BAIAP2L1: variants seen among roughly 807,000 people sequenced by gnomAD.
BAIAP2L1 encodes BAR/IMD domain containing adaptor protein 2 like 1, also known as BAR/IMD domain-containing adapter protein 2-like 1.
Under a neutral mutation model 66.3 loss-of-function variants are expected in BAIAP2L1, and 35 were observed. That is an observed-to-expected ratio of 0.53 (90% confidence interval 0.40 to 0.70). The LOEUF is 0.70. BAIAP2L1 is among the 30% of genes least tolerant of loss of function. The pLI is 0.00. For missense variants in BAIAP2L1, 622 were observed against 656.9 expected (o/e 0.95, Z 0.58); for synonymous variants, 269 against 248.7 (o/e 1.08, Z -0.77).
At chr7:98,352,522 A>T (rs1261887667) in intron 3 of BAIAP2L1, among the ~76,000 whole-genome samples, 1 of 152,080 alleles carries the variant, frequency 6.6e-6, no homozygotes, top group Non-Finnish European at 1.5e-5. Context: ...GGCACCTGTA[A>T]TCCCAGTTGC....
At chr7:98,392,740 C>G (rs551798229) in intron 1 of BAIAP2L1, among the ~76,000 whole-genome samples, 1 of 152,040 alleles carries the variant, frequency 6.6e-6, no homozygotes, top group South Asian at 2.1e-4. Flanking sequence ...TCAGAAAAAG[C>G]GACAGCAATA....
chr7:98,370,974 G>A (rs1012850738), intron 1 of BAIAP2L1, among the ~76,000 whole-genome samples: 1 of 152,298 alleles, frequency 6.6e-6, no homozygotes, highest in South Asian at 2.1e-4. Context: ...TGAATAGAAA[G>A]GGTCCCACAT....
chr7:98,399,114 A>T (rs183332948), intron 1 of BAIAP2L1, among the ~76,000 whole-genome samples: 1 of 152,340 alleles, frequency 6.6e-6, no homozygotes, highest in Non-Finnish European at 1.5e-5. Context: ...CTTCCGGGTC[A>T]TTTAAATAGT....
rs543253710 is a variant in BAIAP2L1, at chr7:98,291,827, C to A, written c.*1694G>T. On this transcript the variant is annotated 3_prime_UTR_variant, in exon 14 of 14. Transcript: ENST00000005260. ...ACCCCCAGGTCCTATTCTTCCACCC[C>A]GTAACAAAACCAGAAACCTCCCCAA... 6.5e-6 allele frequency: 1 copy of A among 152,996 alleles called. No homozygotes were observed. The highest frequency in any genetic ancestry group is 2.1e-4 in the South Asian group (1 of 4,854). The allele number at this position is 152,996 out of a possible 1,614,324, so 9.5% of individuals were successfully genotyped here.
intron 1 of BAIAP2L1, among the ~76,000 whole-genome samples, chr7:98,363,656 G>A (rs1802323219): frequency 3.9e-5 from 6 of 152,104 alleles, no homozygotes; most frequent in Admixed American, 2.6e-4. Flanking sequence ...AACACGTGGC[G>A]ATTGTTATGT....
At chr7:98,356,381 G>A (rs1467092454) in intron 2 of BAIAP2L1, among the ~76,000 whole-genome samples, 1 of 152,174 alleles carries the variant, frequency 6.6e-6, no homozygotes, top group African/African-American at 2.4e-5. Context: ...GTTTCTCCTG[G>A]AGCTTTGGAG....
chr7:98,396,661 G>C (rs750483995), intron 1 of BAIAP2L1, among the ~76,000 whole-genome samples: 7 of 152,104 alleles, frequency 4.6e-5, no homozygotes, highest in Admixed American at 4.6e-4. Context: ...CAGGCGTGGC[G>C]GCTGTAGTCC....
chr7:98,353,369 A>G (rs535757569), intron 3 of BAIAP2L1, among the ~76,000 whole-genome samples: 114 of 138,572 alleles, frequency 8.2e-4, no homozygotes, highest in African/African-American at 2.9e-3. Flanking sequence ...ATATATACAC[A>G]TATATTTATA....
intron 1 of BAIAP2L1, among the ~76,000 whole-genome samples, chr7:98,373,019 TGCGAG>T (rs1802546275): frequency 6.6e-6 from 1 of 151,976 alleles, no homozygotes; most frequent in South Asian, 2.1e-4. Flanking sequence ...GGACTACAGG[TGCGAG>T]CCAGCACGCC....
chr7:98,331,520 G>A (rs1054439272), intron 3 of BAIAP2L1, among the ~76,000 whole-genome samples: 1 of 147,554 alleles, frequency 6.8e-6, no homozygotes, highest in Non-Finnish European at 1.5e-5. Context: ...CCAGGCTGGA[G>A]TGCAATGGCG....
At chr7:98,318,901 G>A (rs973934486) in intron 5 of BAIAP2L1, among the ~76,000 whole-genome samples, 1 of 147,930 alleles carries the variant, frequency 6.8e-6, no homozygotes, top group African/African-American at 2.5e-5. Flanking sequence ...CCCCGAGATT[G>A]CGCCACTGCA....
Position 98,317,132 on chromosome 7 carries a change from C to G in BAIAP2L1, c.486+87G>C, listed in dbSNP as rs982529490. 1.3e-5 allele frequency: 20 copies of G among 1,542,480 alleles called. No homozygotes were observed. In the African/African-American group the frequency reaches 2.7e-4, roughly 21 times the overall value. On this transcript the variant is annotated intron_variant, in intron 6 of 13. Transcript: ENST00000005260. ...CCTCCCAAAGTGCTGGGATTACAGGCGTGAGCCACCGCACCCGGCTAACCT... is the reference window on the plus strand; with the variant it reads ...CCTCCCAAAGTGCTGGGATTACAGGGGTGAGCCACCGCACCCGGCTAACCT...
At chr7:98,310,398 A>G (rs1416517740) in intron 9 of BAIAP2L1, 47 bp downstream of exon 9, 4 of 1,548,426 alleles carry the variant, frequency 2.6e-6, no homozygotes, top group Middle Eastern at 1.7e-4. Flanking sequence ...CTTATCTTAA[A>G]ACAAATGTAA....
At position 98,369,437 on chromosome 7, in the gene BAIAP2L1, C is replaced by T. The variant is rs181076224; in HGVS notation, c.52-7005G>A. Among the ~76,000 whole-genome samples the T allele has an allele frequency of 5.9e-5, 9 of 152,164 alleles. No homozygotes were observed. In the East Asian group the frequency reaches 1.4e-3, roughly 23 times the overall value. On this transcript the variant is annotated intron_variant, in intron 1 of 13. Transcript: ENST00000005260. ...GACGGAGGTAGCAGTGAGATCGTGC[C>T]GCTGCACTCCAGCCTGGGCGATAAA...
At chr7:98,376,863 C>A (rs764306016) in intron 1 of BAIAP2L1, among the ~76,000 whole-genome samples, 19 of 152,046 alleles carry the variant, frequency 1.2e-4, no homozygotes, top group Non-Finnish European at 7.4e-5. Flanking sequence ...ACTAATCTAA[C>A]ACGGTGTTGT....
intron 1 of BAIAP2L1, among the ~76,000 whole-genome samples, chr7:98,372,733 GTTTTTTT>G (rs34330041): frequency 1.8e-4 from 17 of 93,766 alleles, no homozygotes; most frequent in African/African-American, 5.5e-4. Context: ...ATCGATTTTG[GTTTTTTT>G]TTTTTTTTTT....
intron 1 of BAIAP2L1, among the ~76,000 whole-genome samples, chr7:98,396,199 A>G (rs542772684): frequency 6.6e-6 from 1 of 152,016 alleles, no homozygotes; most frequent in South Asian, 2.1e-4. Context: ...CCTACTGAGG[A>G]GCTGGGACCC....
intron 3 of BAIAP2L1, among the ~76,000 whole-genome samples, chr7:98,342,307 C>T (rs1219596157): frequency 6.6e-6 from 1 of 152,078 alleles, no homozygotes; most frequent in East Asian, 1.9e-4. Flanking sequence ...CCTCGGCCTC[C>T]CAAAGTGCTA....
chr7:98,393,698 T>C (rs1246638475), intron 1 of BAIAP2L1, among the ~76,000 whole-genome samples: 6 of 149,820 alleles, frequency 4.0e-5, no homozygotes, highest in Non-Finnish European at 8.9e-5. Flanking sequence ...GGGGTTTCAC[T>C]GTGGTCTTGA....
Sources: allele counts gnomAD v4.1 joint callset (sites outside exome capture counted in the v4.1 genomes callset), GRCh38; gene constraint gnomAD v4.1.1; transcripts MANE v1.5; gene names NCBI Gene and HGNC (gene_info 2026-07-23, HGNC 2026-07-21).